MRC1: variants seen among roughly 807,000 people sequenced by gnomAD.
The protein encoded by MRC1 is mannose receptor C-type 1, also known as macrophage mannose receptor 1.
MRC1 carries 62 observed loss-of-function variants against 102.9 expected under a neutral mutation model. The ratio of observed to expected loss-of-function variants is 0.60; its 90% CI spans 0.49 to 0.74. MRC1 has a LOEUF of 0.74. Ranked by LOEUF, MRC1 falls within the 30% of genes least tolerant of loss-of-function variation. The pLI is 0.00. For synonymous variants in MRC1, 457 were observed against 298.4 expected (o/e 1.53, Z -5.48); for missense variants, 1,237 against 862.8 (o/e 1.43, Z -5.43).
chr10:17,848,300 T>A, intron 6 of MRC1, among the ~76,000 whole-genome samples: 1 of 152,220 alleles, frequency 6.6e-6, no homozygotes, highest in Non-Finnish European at 1.5e-5. Context: ...TGAAATAGTA[T>A]CTCTAGAATA....
intron 2 of MRC1, among the ~76,000 whole-genome samples, chr10:17,826,103 A>G (rs1554838638): frequency 1.3e-5 from 2 of 152,236 alleles, no homozygotes; most frequent in South Asian, 2.1e-4. Flanking sequence ...AAAGAGGTCA[A>G]TAACTCACAT....
At chr10:17,909,438 C>A in intron 29 of MRC1, 91 bp downstream of exon 29, 1 of 765,364 alleles carries the variant, frequency 1.3e-6, no homozygotes, top group Non-Finnish European at 2.4e-6. Flanking sequence ...TTCCAACTCC[C>A]CTGCTCTCTC....
chr10:17,832,151 A>T (rs1272029924), intron 3 of MRC1, among the ~76,000 whole-genome samples: 1 of 151,564 alleles, frequency 6.6e-6, no homozygotes, highest in Non-Finnish European at 1.5e-5. Context: ...CCTGCTGACA[A>T]TCTTATGCTT....
At chr10:17,856,380 A>C in intron 9 of MRC1, 28 bp downstream of exon 9, 1 of 827,690 alleles carries the variant, frequency 1.2e-6, no homozygotes, top group East Asian at 2.5e-5. Context: ...ACAGTGACTT[A>C]AGCTGAGCAC....
At chr10:17,904,678 AT>A (rs2130722526) in intron 26 of MRC1, among the ~76,000 whole-genome samples, 1 of 152,202 alleles carries the variant, frequency 6.6e-6, no homozygotes, top group South Asian at 2.1e-4. Flanking sequence ...TGCCTTTAAT[AT>A]TTGTCCAAGC....
At chr10:17,845,191 T>C (rs782535297) in intron 5 of MRC1, 98 bp from the exon 6 acceptor site, 8 of 780,154 alleles carry the variant, frequency 1.0e-5, no homozygotes, top group East Asian at 4.9e-5. Context: ...TGGTGGTCCA[T>C]TGAATCCCCA....
chr10:17,901,472 T>G (rs946366763), intron 25 of MRC1, among the ~76,000 whole-genome samples: 27 of 152,284 alleles, frequency 1.8e-4, no homozygotes, highest in East Asian at 1.9e-4. Context: ...GCAGATCACC[T>G]GAGGTCAGGA....
chr10:17,867,784 T>G (rs1375115975), intron 12 of MRC1, among the ~76,000 whole-genome samples: 1 of 152,196 alleles, frequency 6.6e-6, no homozygotes, highest in African/African-American at 2.4e-5. Flanking sequence ...TTCATTTTTT[T>G]CCCATGCTCT....
At chr10:17,819,453 A>ATGCGTG (rs1838362956) in intron 1 of MRC1, among the ~76,000 whole-genome samples, 1 of 145,668 alleles carries the variant, frequency 6.9e-6, no homozygotes, top group African/African-American at 2.6e-5. Flanking sequence ...TCAGAGTTGT[A>ATGCGTG]TGTGTGTGTG....
chr10:17,907,304 T>G (rs1276672677), intron 27 of MRC1, among the ~76,000 whole-genome samples: 1 of 152,236 alleles, frequency 6.6e-6, no homozygotes, highest in Non-Finnish European at 1.5e-5. Flanking sequence ...TAAATATTTG[T>G]ACTAATTAGA....
intron 8 of MRC1, chr10:17,854,954 G>A (rs1231682530): frequency 6.6e-6 from 1 of 152,496 alleles, no homozygotes; most frequent in Admixed American, 6.5e-5. Context: ...GCCTCCCAAA[G>A]TGCTGGGATT....
intron 3 of MRC1, among the ~76,000 whole-genome samples, chr10:17,831,339 T>C (rs936882097): frequency 2.6e-5 from 4 of 151,502 alleles, no homozygotes; most frequent in Non-Finnish European, 5.9e-5. Context: ...CCTCAGATCA[T>C]TATAATTTAA....
At chr10:17,875,057 A>G (rs1475764452) in intron 16 of MRC1, 33 bp from the exon 17 acceptor site, 3 of 780,736 alleles carry the variant, frequency 3.8e-6, no homozygotes, top group Non-Finnish European at 7.2e-6. Context: ...TTGTCTGCAT[A>G]AAACTCATTG....
At chr10:17,894,892 G>T (rs1199252951) in intron 23 of MRC1, among the ~76,000 whole-genome samples, 1 of 152,056 alleles carries the variant, frequency 6.6e-6, no homozygotes, top group Non-Finnish European at 1.5e-5. Flanking sequence ...TATAATCATG[G>T]TTGGGCACTG....
intron 2 of MRC1, among the ~76,000 whole-genome samples, chr10:17,827,015 C>A (rs1005926263): frequency 6.6e-6 from 1 of 151,768 alleles, no homozygotes; most frequent in Non-Finnish European, 1.5e-5. Context: ...TTTTTTTAAT[C>A]TAGAGATTCC....
intron 5 of MRC1, among the ~76,000 whole-genome samples, chr10:17,844,502 G>A (rs1838796974): frequency 6.6e-6 from 1 of 152,180 alleles, no homozygotes; most frequent in South Asian, 2.1e-4. Flanking sequence ...TTACAGGCGT[G>A]AGCCACCGTG....
intron 12 of MRC1, among the ~76,000 whole-genome samples, chr10:17,867,130 C>T (rs1335771514): frequency 6.9e-6 from 1 of 144,426 alleles, no homozygotes; most frequent in Non-Finnish European, 1.5e-5. Flanking sequence ...TCCCTTCCTC[C>T]CTTCCTCCTT....
chr10:17,829,657 G>A (rs1369041691), intron 3 of MRC1, among the ~76,000 whole-genome samples: 1 of 151,502 alleles, frequency 6.6e-6, no homozygotes, highest in Non-Finnish European at 1.5e-5. Context: ...GATTGAAAGT[G>A]TCTTTCTCCT....
rs1202238183 is a variant in MRC1, at chr10:17,910,388, A to G, written c.4294A>G (p.Ser1432Gly). The change falls in exon 30 of 30, where the codon AGT (serine) becomes GGT (glycine). Residue 1432 changes from serine to glycine, a missense_variant. By Grantham distance (56) the Ser-to-Gly change is moderately conservative. Coordinates refer to ENST00000569591, the MANE Select transcript of MRC1 (RefSeq NM_002438.4). ...CTTTGAAAACACTCTGTATTTTAACAGTCAGTCAAGCCCAGGAACTAGTGA... is the reference window on the plus strand; with the variant it reads ...CTTTGAAAACACTCTGTATTTTAACGGTCAGTCAAGCCCAGGAACTAGTGA... ...GAFENTLYFN[S>G]QSSPGTSDMK... 1 of 780,700 alleles carries G rather than the reference A, an allele frequency of 1.3e-6. No homozygotes were observed. Among genetic ancestry groups the G allele is most frequent in the Non-Finnish European group, 2.4e-6 (1 of 417,954 alleles). The allele number at this position is 780,700 out of a possible 1,614,324, so 48.4% of individuals were successfully genotyped here. A position where few individuals can be genotyped will look rare whatever the true frequency, so the allele number is the denominator to read the frequency against.
Sources: allele counts gnomAD v4.1 joint callset (sites outside exome capture counted in the v4.1 genomes callset), GRCh38; gene constraint gnomAD v4.1.1; transcripts MANE v1.5; gene names NCBI Gene and HGNC (gene_info 2026-07-23, HGNC 2026-07-21).